The following PPID variants were observed in gnomAD, a reference collection of about 807,000 sequenced individuals.
PPID encodes peptidylprolyl isomerase D.
Under a neutral mutation model 48.1 loss-of-function variants are expected in PPID, and 47 were observed. The observed-to-expected ratio is 0.98, with a 90% CI of 0.77 to 1.25. PPID has a LOEUF of 1.25. Ranked by LOEUF, PPID falls within the 50% of genes most tolerant of loss-of-function variation. The pLI is 0.00. For synonymous variants in PPID, 163 were observed against 148.8 expected, an observed-to-expected ratio of 1.10 and a Z score of -0.69; for missense variants, 429 against 443.5, an observed-to-expected ratio of 0.97 and a Z score of 0.29.
In PPID at chr4:158,715,727, A is replaced by T. The variant is rs17843930; in HGVS notation, c.523-43T>A. On this transcript the variant is annotated intron_variant, in intron 4 of 9. Transcript: ENST00000307720. ...AATTGTAGAAGTGCACTATCGTAAT[A>T]ATGAGAGATAAAAGCTATACAGCTG... The T allele has an allele frequency of 4.7e-4, 742 of 1,575,996 alleles. 2 individuals are homozygous for T. In the African/African-American group the frequency reaches 9.3e-3, roughly 20 times the overall value.
In PPID at chr4:158,715,312, T is replaced by C; in HGVS notation, c.737A>G (p.Tyr246Cys). Residue 246 changes from tyrosine (Y) to cysteine (C), a missense_variant, in exon 6 of 10, where the codon TAT (tyrosine) becomes TGT (cysteine). Tyr to Cys is a radical substitution (Grantham distance 194). Transcript: ENST00000307720. ...ATAATATTACCTTAAAACTTCTGCATATTTTTTAATAGCCATCTCCCAGTT... is the reference window on the plus strand; with the variant it reads ...ATAATATTACCTTAAAACTTCTGCACATTTTTTAATAGCCATCTCCCAGTT... Reference protein sequence around the residue: ...SQNWEMAIKKYAEVLRYVDSS... With the variant: ...SQNWEMAIKKCAEVLRYVDSS... 1 of 1,516,462 alleles carries C rather than the reference T, an allele frequency of 6.6e-7. No homozygotes were observed. The highest frequency in any genetic ancestry group is 1.3e-5 in the South Asian group (1 of 74,314). The allele number at this position is 1,516,462 out of a possible 1,614,324, so 93.9% of individuals were successfully genotyped here. A position where few individuals can be genotyped will look rare whatever the true frequency, so the allele number is the denominator to read the frequency against.
Position 158,709,493 on chromosome 4 carries a change from C to T in PPID, c.*243G>A, listed in dbSNP as rs1362308358. ...GATGCAGTGAGCCGAGATTGCGCCA[C>T]CGCACTCCAGCCTGGGTGACAGAGC... On this transcript the variant is annotated 3_prime_UTR_variant, in exon 10 of 10. Transcript: ENST00000307720. The T allele has an allele frequency of 9.3e-5, 27 of 289,960 alleles. No homozygotes were observed. In the South Asian group the frequency reaches 1.7e-3, roughly 18 times the overall value. 18.0% of individuals were successfully genotyped at this position (289,960 alleles called of 1,614,324 possible).
Position 158,723,282 on chromosome 4 carries a change from G to A in PPID, c.7C>T (p.His3Tyr). The change falls in exon 1 of 10, where the codon CAC (histidine) becomes TAC (tyrosine). Residue 3 changes from histidine (H) to tyrosine (Y), a missense_variant. Physicochemically the swap from His to Tyr is moderately conservative, Grantham distance 83. Transcript: ENST00000307720. ...GAGGGCTTGGCTTGGGGGGACGGGTGCGACATCTTGACTTGCAGACGTGTT... is the reference window on the plus strand; with the variant it reads ...GAGGGCTTGGCTTGGGGGGACGGGTACGACATCTTGACTTGCAGACGTGTT... MS[H>Y]PSPQAKPSNP... The A allele has an allele frequency of 6.2e-7, 1 of 1,613,772 alleles. No individual in the cohort carries two copies.
rs1774743548 is a variant in PPID at position 158,709,634 on chromosome 4, G to T, written c.*102C>A. 2.4e-6 allele frequency: 2 copies of T among 829,200 alleles called. No individual in the cohort carries two copies. The highest frequency in any genetic ancestry group is 1.7e-5 in the African/African-American group (1 of 58,356). 51.4% of individuals were successfully genotyped at this position (829,200 alleles called of 1,614,324 possible). ...ACTGTAAACAGTAAGGAACTAAGGT[G>T]TCAAAAGAAACACATTAGGGATCAT... is the stretch of plus-strand genomic sequence containing the variant. On this transcript the variant is annotated 3_prime_UTR_variant, in exon 10 of 10. Transcript: ENST00000307720.
At chr4:158,722,288 G>A (rs1444199788) in intron 1 of PPID, among the ~76,000 whole-genome samples, 1 of 152,186 alleles carries the variant, frequency 6.6e-6, no homozygotes, top group African/African-American at 2.4e-5. Flanking sequence ...CAATCACCAA[G>A]CAACCAACGG....
intron 4 of PPID, 117 bp from the exon 5 acceptor site, chr4:158,715,801 A>G: frequency 8.8e-7 from 1 of 1,142,648 alleles, no homozygotes; most frequent in African/African-American, 1.5e-5. Context: ...GAGAAGGCTC[A>G]TTTATGTACT....
intron 4 of PPID, among the ~76,000 whole-genome samples, chr4:158,716,728 G>A (rs1774878013): frequency 6.6e-6 from 1 of 152,176 alleles, no homozygotes; most frequent in African/African-American, 2.4e-5. Flanking sequence ...GGGAGGCCGA[G>A]GTGGGCGGAT....
At chr4:158,718,772 G>C (rs17843908) in intron 3 of PPID, among the ~76,000 whole-genome samples, 42 of 152,318 alleles carry the variant, frequency 2.8e-4, no homozygotes, top group Middle Eastern at 3.4e-3. Context: ...TTAGGAGCTT[G>C]GACATTTAAC....
Position 158,721,353 on chromosome 4 carries a change from A to C in PPID, c.216T>G (p.Pro72=), listed in dbSNP as rs1774956098. The C allele has an allele frequency of 6.2e-7, 1 of 1,613,960 alleles. No individual in the cohort carries two copies. Among genetic ancestry groups the C allele is most frequent in the African/African-American group, 1.3e-5 (1 of 74,936 alleles). ...TGKPLHFKGC[P]FHRIIKKFMI... ...AAAATTTACACATACTTCGATGAAA[A>C]GGGCATCCTTTGAAATGGAGAGGTT... Residue 72 remains proline (P), a synonymous_variant, in exon 2 of 10, where the codon CCT becomes CCG. Coordinates refer to ENST00000307720, the MANE Select transcript of PPID (RefSeq NM_005038.3).
chr4:158,719,117 A>G lies in PPID; in HGVS notation c.333+63T>C, dbSNP rs552544604. ...AAACATTTTTTGGTGTCTTAATCCA[A>G]CAAGTATTCCAGATATATAACAATC... On this transcript the variant is annotated intron_variant, in intron 3 of 9. Coordinates refer to ENST00000307720, the MANE Select transcript of PPID (RefSeq NM_005038.3). The G allele has an allele frequency of 5.7e-4, 640 of 1,114,462 alleles. 3 individuals carry two copies. Among genetic ancestry groups the G allele is most frequent in the Non-Finnish European group, 7.0e-5 (53 of 756,804 alleles). The allele number at this position is 1,114,462 out of a possible 1,614,324, so 69.0% of individuals were successfully genotyped here. A position where few individuals can be genotyped will look rare whatever the true frequency, so the allele number is the denominator to read the frequency against.
At chr4:158,711,028 T>C (rs1459413729) in intron 7 of PPID, among the ~76,000 whole-genome samples, 180 bp from the exon 8 acceptor site, 1 of 152,196 alleles carries the variant, frequency 6.6e-6, no homozygotes, top group African/African-American at 2.4e-5. Flanking sequence ...GGGCACTGAA[T>C]GGACATGGAG....
In PPID at chr4:158,717,123, A is replaced by T. The variant is rs753045645; in HGVS notation, c.411T>A (p.Val137=). The change falls in exon 4 of 10, where the codon GTT becomes GTA. Residue 137 remains valine, a synonymous_variant. Transcript: ENST00000307720. ...GTTTCCCATCCAAATGAGGAGTTGGAACTGTTGTGATAAAAAACTGAGAAC... is the reference window on the plus strand; with the variant it reads ...GTTTCCCATCCAAATGAGGAGTTGGTACTGTTGTGATAAAAAACTGAGAAC... ...TNGSQFFITT[V]PTPHLDGKHV... The T allele has an allele frequency of 1.2e-6, 2 of 1,614,126 alleles. No individual in the cohort carries two copies. Among genetic ancestry groups the T allele is most frequent in the African/African-American group, 1.3e-5 (1 of 75,036 alleles).
rs532859484 is a variant in PPID, at chr4:158,710,112, T to G, written c.1025-288A>C. The G allele has an allele frequency of 2.7e-4, 114 of 419,164 alleles. No individual in the cohort carries two copies. In the South Asian group the frequency reaches 3.4e-3, roughly 13 times the overall value. 26.0% of individuals were successfully genotyped at this position (419,164 alleles called of 1,614,324 possible). On this transcript the variant is annotated intron_variant, in intron 9 of 9. Transcript: ENST00000307720. The stretch of plus-strand genomic sequence containing the variant: ...TTTAGTAATAAGAGACCAAAGACAT[T>G]TTGTAATACCCAGATCTAGTGTCAC...
Position 158,714,299 on chromosome 4 carries a change from C to A in PPID, c.752+998G>T, listed in dbSNP as rs145164505. On this transcript the variant is annotated intron_variant, in intron 6 of 9. Coordinates refer to ENST00000307720, the MANE Select transcript of PPID (RefSeq NM_005038.3). The stretch of plus-strand genomic sequence containing the variant: ...CTTTAACCATGTGTGTGAACTCAAA[C>A]AGGCCAAAGCGAAATGTGTCTTCAG... 1.6e-3 allele frequency among the ~76,000 whole-genome samples: 242 copies of A among 152,286 alleles called. 2 individuals carry two copies. Among genetic ancestry groups the A allele is most frequent in the African/African-American group, 5.6e-3 (232 of 41,550 alleles).
chr4:158,719,216 A>G lies in PPID; in HGVS notation c.297T>C (p.Tyr99=). ...AATTTTCATCTTCAAATTTTTCACC[A>G]TAAATACTTTCTCCACCTGTCCCAT... The part of the protein sequence containing the change: ...NQNGTGGESI[Y]GEKFEDENFH... Residue 99 remains tyrosine, a synonymous_variant, in exon 3 of 10, where the codon TAT becomes TAC. Transcript: ENST00000307720. 2.5e-6 allele frequency: 4 copies of G among 1,608,934 alleles called. No homozygotes were observed. In the South Asian group the frequency reaches 4.4e-5, roughly 18 times the overall value.
Position 158,723,189 on chromosome 4 carries a change from T to C in PPID, c.85+15A>G, listed in dbSNP as rs917419761. ...CCTCCTCGGGGCTTTTCCGCGAGCG[T>C]CAGACTCCGCTCACCTCGCTCCCCT... On this transcript the variant is annotated intron_variant, in intron 1 of 9. Coordinates refer to ENST00000307720, the MANE Select transcript of PPID (RefSeq NM_005038.3). 2.5e-6 allele frequency: 4 copies of C among 1,609,828 alleles called. No individual in the cohort carries two copies. The highest frequency in any genetic ancestry group is 2.2e-5 in the South Asian group (2 of 90,702).
At position 158,717,089 on chromosome 4, in the gene PPID, ACAC is replaced by A. The variant is rs906022603; in HGVS notation, c.442_444del (p.Val148del). The A allele has an allele frequency of 6.2e-6, 10 of 1,614,124 alleles. No individual in the cohort carries two copies. The highest frequency in any genetic ancestry group is 2.7e-5 in the African/African-American group (2 of 75,054). On this transcript the variant is annotated inframe_deletion, in exon 4 of 10. Transcript: ENST00000307720. ...CCTATTCCTTTAATTACTTGGCCAAACACCACATGTTTCCCATCCAAATGAGGA... is the reference window on the plus strand; with the variant it reads ...CCTATTCCTTTAATTACTTGGCCAAACACATGTTTCCCATCCAAATGAGGA...
intron 2 of PPID, among the ~76,000 whole-genome samples, chr4:158,719,620 T>C (rs1466836884): frequency 1.3e-5 from 2 of 152,250 alleles, no homozygotes; most frequent in African/African-American, 2.4e-5. Flanking sequence ...TATGGCATTA[T>C]GATCTGCCCC....
chr4:158,719,713 A>G (rs945605875), intron 2 of PPID, among the ~76,000 whole-genome samples: 1 of 152,188 alleles, frequency 6.6e-6, no homozygotes, highest in Non-Finnish European at 1.5e-5. Flanking sequence ...AGTACATATT[A>G]GTTACTCAAT....
Sources: allele counts gnomAD v4.1 joint callset (sites outside exome capture counted in the v4.1 genomes callset), GRCh38; gene constraint gnomAD v4.1.1; transcripts MANE v1.5; gene names NCBI Gene and HGNC (gene_info 2026-07-23, HGNC 2026-07-21).